The following SERINC3 variants were observed in gnomAD, a reference collection of about 807,000 sequenced individuals.
SERINC3 encodes serine incorporator 3, also known as tumor differentially expressed protein 1.
In SERINC3, 22 loss-of-function variants were observed where a neutral mutation model predicts 52.1. The observed-to-expected ratio is 0.42, with a 90% confidence interval of 0.30 to 0.60. The LOEUF is 0.60. Among genes scored for constraint, SERINC3 ranks in the 20% least tolerant of loss-of-function variants. The pLI is 0.16. For synonymous variants in SERINC3, 226 were observed against 212.7 expected, an observed-to-expected ratio of 1.06 and a Z score of -0.54; for missense variants, 564 against 584.6, an observed-to-expected ratio of 0.96 and a Z score of 0.36.
chr20:44,516,003 T>C (rs1295118750), intron 1 of SERINC3, among the ~76,000 whole-genome samples: 1 of 152,138 alleles, frequency 6.6e-6, no homozygotes, highest in African/African-American at 2.4e-5. Context: ...TACCTCCTTT[T>C]TTTTAAAGAG....
At chr20:44,517,629 T>A (rs966544111) in intron 1 of SERINC3, among the ~76,000 whole-genome samples, 7 of 150,074 alleles carry the variant, frequency 4.7e-5, no homozygotes, top group African/African-American at 1.7e-4. Flanking sequence ...AGATTCTCTC[T>A]CACCACCCTT....
rs2064420609 is a variant in SERINC3 at position 44,521,977 on chromosome 20, G to A, written c.-26C>T. Reference sequence around the variant, plus strand: ...GGTGACGCCAGTGATGGAGGTGGCCGGTCCTGAGGCTGCTTTCTAACACGG... The same window carrying A: ...GGTGACGCCAGTGATGGAGGTGGCCAGTCCTGAGGCTGCTTTCTAACACGG... On this transcript the variant is annotated 5_prime_UTR_variant, in exon 1 of 10. Coordinates refer to ENST00000342374, the MANE Select transcript of SERINC3 (RefSeq NM_006811.4). 1.2e-6 allele frequency: 2 copies of A among 1,602,718 alleles called. No homozygotes were observed. Among genetic ancestry groups the A allele is most frequent in the African/African-American group, 1.3e-5 (1 of 74,684 alleles).
chr20:44,518,973 GAA>G (rs397757339), intron 1 of SERINC3, among the ~76,000 whole-genome samples: 73 of 61,742 alleles, frequency 1.2e-3, no homozygotes, highest in African/African-American at 2.6e-3. Flanking sequence ...TCTCAAAAAC[GAA>G]AAAAAAAAAA....
chr20:44,507,335 G>C (rs569766537), intron 5 of SERINC3, among the ~76,000 whole-genome samples: 1 of 152,284 alleles, frequency 6.6e-6, no homozygotes, highest in South Asian at 2.1e-4. Context: ...GAACCTAAAT[G>C]ATTCCTTTAC....
Position 44,512,843 on chromosome 20 carries a change from T to C in SERINC3, c.353A>G (p.Lys118Arg). The change falls in exon 3 of 10, where the codon AAA becomes AGA. Residue 118 changes from lysine (K) to arginine (R), a missense_variant. Transcript: ENST00000342374. ...FFFVFSLLMF[K>R]VKTSKDLRAA... ...TCGGAGATCTTTACTTGTTTTTACT[T>C]TGAACATGAGCAGAGAAAAGACAAA... The C allele has an allele frequency of 6.3e-7, 1 of 1,577,098 alleles. No homozygotes were observed. The highest frequency in any genetic ancestry group is 2.0e-5 in the Admixed American group (1 of 49,812).
chr20:44,514,714 T>C (rs985933690), intron 1 of SERINC3, among the ~76,000 whole-genome samples: 2 of 152,068 alleles, frequency 1.3e-5, no homozygotes, highest in East Asian at 3.9e-4. Flanking sequence ...TGAGCTGAGA[T>C]TGCGCCACTG....
intron 5 of SERINC3, among the ~76,000 whole-genome samples, chr20:44,508,783 A>T (rs1375926128): frequency 6.6e-6 from 1 of 152,248 alleles, no homozygotes; most frequent in African/African-American, 2.4e-5. Flanking sequence ...TCCTGTTTAC[A>T]TTTAAATACA....
At chr20:44,507,770 G>A (rs2064323719) in intron 5 of SERINC3, among the ~76,000 whole-genome samples, 2 of 152,204 alleles carry the variant, frequency 1.3e-5, no homozygotes, top group South Asian at 2.1e-4. Context: ...TTGGGAAGCT[G>A]AGGCAGGGGG....
At chr20:44,521,653 A>G (rs950026204) in intron 1 of SERINC3, among the ~76,000 whole-genome samples, 3 of 152,234 alleles carry the variant, frequency 2.0e-5, no homozygotes, top group Admixed American at 6.5e-5. Context: ...CCTAGTCAGG[A>G]AGCCTCGCAG....
Position 44,512,705 on chromosome 20 carries a change from A to T in SERINC3, c.395+96T>A, listed in dbSNP as rs960890781. 6.3e-6 allele frequency: 6 copies of T among 952,750 alleles called. No homozygotes were observed. In the African/African-American group the frequency reaches 1.1e-4, roughly 17 times the overall value. 59.0% of individuals were successfully genotyped at this position (952,750 alleles called of 1,614,324 possible). On this transcript the variant is annotated intron_variant, in intron 3 of 9. Coordinates refer to ENST00000342374, the MANE Select transcript of SERINC3 (RefSeq NM_006811.4). Reference sequence around the variant, plus strand: ...AAATGCATCTGAGCCACTCATTTACATATTCCATTGATTTCATCAGAATGG... The same window carrying T: ...AAATGCATCTGAGCCACTCATTTACTTATTCCATTGATTTCATCAGAATGG...
intron 3 of SERINC3, among the ~76,000 whole-genome samples, chr20:44,512,474 AAAC>A (rs2064354393): frequency 1.3e-5 from 2 of 152,220 alleles, no homozygotes; most frequent in Admixed American, 6.5e-5. Context: ...GTTTATCTTT[AAAC>A]AACAGAAAGA....
At chr20:44,500,614 A>G (rs545981051) in intron 9 of SERINC3, among the ~76,000 whole-genome samples, 180 bp from the exon 10 acceptor site, 1 of 152,346 alleles carries the variant, frequency 6.6e-6, no homozygotes, top group South Asian at 2.1e-4. Context: ...ACCAAGAACT[A>G]AACAGCTCAT....
At position 44,503,975 on chromosome 20, in the gene SERINC3, G is replaced by A. The variant is rs568838007; in HGVS notation, c.895C>T (p.Leu299=). 1.3e-6 allele frequency: 2 copies of A among 1,584,132 alleles called. No individual in the cohort carries two copies. The highest frequency in any genetic ancestry group is 2.3e-5 in the East Asian group (1 of 43,192). ...NEPDRSCNPN[L]MSFITRITAP... ...GTTATGCGTGTAATAAAGCTCATCA[G>A]GTTGGGATTGCAGGAACGATCTGAA... Residue 299 remains leucine (L), a synonymous_variant, in exon 8 of 10, where the codon CTG becomes TTG. Transcript: ENST00000342374.
rs2064254770 is a variant in SERINC3, at chr20:44,497,491, A to G, written c.*2805T>C. ...TTGGACTTTGTTACATTTATTTTACAGTTTAGTATTGTTTGTATTTTGAAT... is the reference window on the plus strand; with the variant it reads ...TTGGACTTTGTTACATTTATTTTACGGTTTAGTATTGTTTGTATTTTGAAT... On this transcript the variant is annotated 3_prime_UTR_variant, in exon 10 of 10. Coordinates refer to ENST00000342374, the MANE Select transcript of SERINC3 (RefSeq NM_006811.4). 6.6e-6 allele frequency: 1 copy of G among 152,200 alleles called. No homozygotes were observed. The highest frequency in any genetic ancestry group is 2.1e-4 in the South Asian group (1 of 4,830). 9.4% of individuals were successfully genotyped at this position (152,200 alleles called of 1,614,324 possible).
chr20:44,520,990 C>G (rs533307131), intron 1 of SERINC3, among the ~76,000 whole-genome samples: 7 of 152,130 alleles, frequency 4.6e-5, no homozygotes, highest in Non-Finnish European at 1.0e-4. Flanking sequence ...GATGCTATCT[C>G]CAAGTAGAGA....
intron 5 of SERINC3, among the ~76,000 whole-genome samples, chr20:44,509,239 A>G (rs2064332889): frequency 6.6e-6 from 1 of 152,128 alleles, no homozygotes; most frequent in Non-Finnish European, 1.5e-5. Context: ...CTCTCTGAAT[A>G]AGGCCATAAG....
In SERINC3 at chr20:44,500,447, G is replaced by C; in HGVS notation, c.1284-13C>G. On this transcript the variant is annotated splice_polypyrimidine_tract_variant and intron_variant, in intron 9 of 9. Coordinates refer to ENST00000342374, the MANE Select transcript of SERINC3 (RefSeq NM_006811.4). ...CTTTGCATCAGGGCTAAGAAAACAA[G>C]AGAGAGTCAGGTAGAAAAGCCTGGT... 1 of 1,555,556 alleles carries C rather than the reference G, an allele frequency of 6.4e-7. No homozygotes were observed. Among genetic ancestry groups the C allele is most frequent in the Non-Finnish European group, 8.7e-7 (1 of 1,148,796 alleles).
In SERINC3 at chr20:44,500,670, C is replaced by T. The variant is rs555903840; in HGVS notation, c.1284-236G>A. Among the ~76,000 whole-genome samples, 156 of 152,300 alleles carry T rather than the reference C, an allele frequency of 1.0e-3. 2 individuals carry two copies. The South Asian group carries it at 0.032, about 31-fold the overall frequency. ...CTTTTCTTCTTGCCAGCATGAAAGACCCTATCAGGGCAAAGTTCTTTAAAT... is the reference window on the plus strand; with the variant it reads ...CTTTTCTTCTTGCCAGCATGAAAGATCCTATCAGGGCAAAGTTCTTTAAAT... On this transcript the variant is annotated intron_variant, in intron 9 of 9. Transcript: ENST00000342374.
chr20:44,501,384 C>T, intron 8 of SERINC3, 84 bp from the exon 9 acceptor site: 1 of 1,078,816 alleles, frequency 9.3e-7, no homozygotes, highest in Non-Finnish European at 1.4e-6. Flanking sequence ...AAGACACTTA[C>T]TGCTGAGCTG....
Sources: gnomAD v4.1 joint callset for allele counts (sites outside exome capture counted in the v4.1 genomes callset) on GRCh38, gnomAD v4.1.1 for gene constraint, MANE v1.5 for transcripts, NCBI Gene and HGNC (gene_info 2026-07-23, HGNC 2026-07-21) for gene names.